Variants in SLC3A1 observed in about 807,000 individuals in gnomAD.
The protein encoded by SLC3A1 is amino acid transporter heavy chain SLC3A1.
SLC3A1 carries 78 observed loss-of-function variants against 60.3 expected under a neutral mutation model. That is an observed-to-expected ratio of 1.29 (90% CI 1.08 to 1.56). SLC3A1 has a LOEUF of 1.56. SLC3A1 is among the 40% of genes most tolerant of loss of function. The pLI is 0.00. For synonymous variants in SLC3A1, 392 were observed against 307.9 expected (o/e 1.27, Z -2.86); for missense variants, 1,172 against 858.9 (o/e 1.36, Z -4.56).
chr2:44,319,745 T>G (rs1672765033), intron 9 of SLC3A1: 1 of 156,330 alleles, frequency 6.4e-6, no homozygotes, highest in African/African-American at 2.4e-5. Context: ...TTACACGATC[T>G]TCGCACAACA....
At chr2:44,317,886 ACT>A (rs1182068499) in intron 9 of SLC3A1, 1 of 221,798 alleles carries the variant, frequency 4.5e-6, no homozygotes, top group African/African-American at 2.4e-5. Flanking sequence ...AGATAAAACC[ACT>A]CAGATAACAA....
rs201143887 is a variant in SLC3A1 at position 44,313,844 on chromosome 2, C to G, written c.1510C>G (p.Arg504Gly). 5 of 1,613,298 alleles carry G rather than the reference C, an allele frequency of 3.1e-6. No homozygotes were observed. The highest frequency in any genetic ancestry group is 1.1e-5 in the South Asian group (1 of 91,076). The change falls in exon 9 of 10, where the codon CGC (arginine) becomes GGC (glycine). Residue 504 changes from arginine (R) to glycine (G), a missense_variant. Transcript: ENST00000260649. ...LNESYDINTL[R>G]SKSPMQWDNS... ...TGGTCTTTTGACATAGAATACCCTT[C>G]GCTCAAAGTCACCAATGCAGTGGGA... is the stretch of plus-strand genomic sequence containing the variant.
At position 44,275,849 on chromosome 2, in the gene SLC3A1, T is replaced by C. The variant is rs1176966223; in HGVS notation, c.314T>C (p.Ile105Thr). The change falls in exon 1 of 10, where the codon ATA (isoleucine) becomes ACA (threonine). Residue 105 changes from isoleucine to threonine, a missense_variant. By Grantham distance (89) the Ile-to-Thr change is moderately conservative (BLOSUM62 -1). Transcript: ENST00000260649. ...GTGCTGGTGCTCATCGCGGCCACCA[T>C]AGCCATCATTGCCCTCTCTCCAAAG... ...ASVLVLIAATIAIIALSPKCL... is the reference protein window; with the variant it reads ...ASVLVLIAATTAIIALSPKCL... The C allele has an allele frequency of 1.2e-6, 2 of 1,614,096 alleles. No individual in the cohort carries two copies. The highest frequency in any genetic ancestry group is 1.7e-6 in the Non-Finnish European group (2 of 1,180,044).
intron 7 of SLC3A1, among the ~76,000 whole-genome samples, chr2:44,308,629 T>C (rs963494461): frequency 1.3e-5 from 2 of 152,226 alleles, no homozygotes; most frequent in African/African-American, 4.8e-5. Flanking sequence ...TCTTCATTAT[T>C]AGTGTATAGA....
chr2:44,298,088 A>G (rs983741532), intron 4 of SLC3A1, among the ~76,000 whole-genome samples: 30 of 152,308 alleles, frequency 2.0e-4, no homozygotes, highest in African/African-American at 7.2e-4. Context: ...TCTCGGGTAT[A>G]TACCTATGCG....
At chr2:44,321,934 TTG>T, downstream of SLC3A1, 2 of 1,589,410 alleles carry the variant, frequency 1.3e-6, no homozygotes, top group Non-Finnish European at 8.6e-7. Context: ...AATTAGAAGA[TTG>T]TATGGGATCT....
chr2:44,312,799 G>C (rs1316054271), intron 8 of SLC3A1, 46 bp downstream of exon 8: 2 of 1,532,708 alleles, frequency 1.3e-6, no homozygotes, highest in Non-Finnish European at 8.9e-7. Flanking sequence ...ATAAAACCAA[G>C]TATTCATTTT....
intron 9 of SLC3A1, chr2:44,314,526 C>A (rs1280079043): frequency 1.2e-5 from 2 of 163,420 alleles, no homozygotes; most frequent in African/African-American, 4.8e-5. Flanking sequence ...CAAACTAAAC[C>A]AATTTAGGGG....
intron 4 of SLC3A1, among the ~76,000 whole-genome samples, chr2:44,287,801 C>T (rs747327671): frequency 2.6e-5 from 4 of 152,066 alleles, no homozygotes; most frequent in African/African-American, 4.8e-5. Context: ...CCTAACAGAA[C>T]GGGGAGCATT....
At chr2:44,318,776 T>C (rs1205421559) in intron 9 of SLC3A1, 1 of 152,210 alleles carries the variant, frequency 6.6e-6, no homozygotes, top group African/African-American at 2.4e-5. Context: ...GGCTTGGAAG[T>C]ATTTAATAGC....
chr2:44,296,618 G>A (rs1161250545), intron 4 of SLC3A1, among the ~76,000 whole-genome samples: 1 of 152,170 alleles, frequency 6.6e-6, no homozygotes, highest in East Asian at 1.9e-4. Flanking sequence ...AGCTTAAAGT[G>A]AATTGACAGG....
In SLC3A1 at chr2:44,280,828, G is replaced by T; in HGVS notation, c.543G>T (p.Arg181=). 6.2e-7 allele frequency: 1 copy of T among 1,614,002 alleles called. No homozygotes were observed. The highest frequency in any genetic ancestry group is 1.3e-5 in the African/African-American group (1 of 75,024). Residue 181 remains arginine (R), a synonymous_variant, in exon 2 of 10, where the codon CGG becomes CGT. Coordinates refer to ENST00000260649, the MANE Select transcript of SLC3A1 (RefSeq NM_000341.4). The part of the protein sequence containing the change: ...KDFRYGVEDF[R]EVDPIFGTME... ...TCAGATATGGTGTTGAAGATTTCCG[G>T]GAAGTTGATCCCATTTTTGGAACGA...
chr2:44,304,415 A>C, intron 7 of SLC3A1, 77 bp downstream of exon 7: 1 of 1,129,380 alleles, frequency 8.9e-7, no homozygotes, highest in Non-Finnish European at 1.3e-6. Context: ...AATGCAATGG[A>C]CCTTTGTCTC....
At chr2:44,301,929 C>T (rs1672021987) in intron 6 of SLC3A1, among the ~76,000 whole-genome samples, 3 of 151,944 alleles carry the variant, frequency 2.0e-5, no homozygotes, top group Non-Finnish European at 4.4e-5. Flanking sequence ...GTGGCACATG[C>T]CTGTAATACC....
intron 3 of SLC3A1, among the ~76,000 whole-genome samples, chr2:44,284,888 G>A (rs1451102691): frequency 6.6e-6 from 1 of 152,082 alleles, no homozygotes; most frequent in Non-Finnish European, 1.5e-5. Context: ...ATATTGCCTT[G>A]AGATCTTAAT....
In SLC3A1 at chr2:44,275,752, C is replaced by T. The variant is rs139114821; in HGVS notation, c.217C>T (p.Leu73=). ...CTATGCGGGGATGCCCAAGGAGGTG[C>T]TGTTCCAGTTCTCTGGCCAGGCCCG... ...QPYAGMPKEV[L]FQFSGQARYR... Residue 73 remains leucine (L), a synonymous_variant, in exon 1 of 10, where the codon CTG becomes TTG. Transcript: ENST00000260649. 6.2e-7 allele frequency: 1 copy of T among 1,614,144 alleles called. No homozygotes were observed. The highest frequency in any genetic ancestry group is 1.3e-5 in the African/African-American group (1 of 74,958).
chr2:44,314,034 G>A, intron 9 of SLC3A1, 83 bp downstream of exon 9: 1 of 1,598,252 alleles, frequency 6.3e-7, no homozygotes, highest in Non-Finnish European at 8.5e-7. Flanking sequence ...CCCTGAATGT[G>A]TCTAAACCTT....
chr2:44,306,932 G>A (rs922439224), intron 7 of SLC3A1, among the ~76,000 whole-genome samples: 1 of 152,100 alleles, frequency 6.6e-6, no homozygotes, highest in African/African-American at 2.4e-5. Flanking sequence ...CATCACCAAT[G>A]TCTCATTCCA....
intron 9 of SLC3A1, chr2:44,319,324 A>C (rs1012460473): frequency 2.0e-5 from 3 of 152,666 alleles, no homozygotes; most frequent in Non-Finnish European, 4.4e-5. Context: ...TTATGTATCA[A>C]GTGCCCATAC....
Sources: gnomAD v4.1 joint callset for allele counts (sites outside exome capture counted in the v4.1 genomes callset) on GRCh38, gnomAD v4.1.1 for gene constraint, MANE v1.5 for transcripts, NCBI Gene and HGNC (gene_info 2026-07-23, HGNC 2026-07-21) for gene names.